Variants in SPON1 observed in about 807,000 individuals in gnomAD.
The protein encoded by SPON1 is spondin 1, also known as spondin-1.
In SPON1, 52 loss-of-function variants were observed where a neutral mutation model predicts 111.7. The ratio of observed to expected loss-of-function variants is 0.47; its 90% CI spans 0.37 to 0.59. SPON1 has a LOEUF of 0.59. SPON1 is among the 20% of genes least tolerant of loss of function. The pLI is 0.00. For synonymous variants in SPON1, 410 were observed against 395.8 expected (o/e 1.04, Z -0.43); for missense variants, 957 against 1,068.5 (o/e 0.90, Z 1.46).
At chr11:14,062,447 C>A (rs1457292298) in intron 3 of SPON1, among the ~76,000 whole-genome samples, 1 of 152,180 alleles carries the variant, frequency 6.6e-6, no homozygotes, top group Non-Finnish European at 1.5e-5. Flanking sequence ...ACTACCTTTT[C>A]TACTGACAAC....
At chr11:14,024,721 C>A (rs1554915137) in intron 2 of SPON1, among the ~76,000 whole-genome samples, 1 of 152,196 alleles carries the variant, frequency 6.6e-6, no homozygotes, top group African/African-American at 2.4e-5. Flanking sequence ...AGTGCCTGTT[C>A]TCTCTTAGGT....
In SPON1 at chr11:13,996,957, TCTTTA is replaced by T. The variant is rs1848277578; in HGVS notation, c.345+14009_345+14013del. ...AAGATAGGTGGTTCTAATTTTCTTT[TCTTTA>T]CTTTTATATAAAACACTGCAGTGAA... On this transcript the variant is annotated intron_variant, in intron 2 of 15. Transcript: ENST00000576479. Among the ~76,000 whole-genome samples, 3 of 152,242 alleles carry T rather than the reference TCTTTA, an allele frequency of 2.0e-5. No individual in the cohort carries two copies. In the East Asian group the frequency reaches 5.8e-4, roughly 29 times the overall value.
chr11:14,134,042 C>CT (rs5789824), intron 5 of SPON1, among the ~76,000 whole-genome samples: 58,037 of 141,908 alleles, frequency 0.41, 11,691 homozygotes, highest in East Asian at 0.5. Flanking sequence ...TTCTTTCTTT[C>CT]TTTTTTTTTT....
intron 6 of SPON1, among the ~76,000 whole-genome samples, chr11:14,168,455 C>A (rs559260860): frequency 6.6e-6 from 1 of 152,086 alleles, no homozygotes; most frequent in Non-Finnish European, 1.5e-5. Context: ...ACAACACATA[C>A]AAAAATGCAG....
In SPON1 at chr11:14,256,615, A is replaced by G; in HGVS notation, c.1234-2A>G. 1 of 1,610,340 alleles carries G rather than the reference A, an allele frequency of 6.2e-7. No individual in the cohort carries two copies. The highest frequency in any genetic ancestry group is 8.5e-7 in the Non-Finnish European group (1 of 1,177,844). On this transcript the variant is annotated splice_acceptor_variant, in intron 9 of 15. Transcript: ENST00000576479. LOFTEE classifies it high-confidence loss of function. Reference sequence around the variant, plus strand: ...GCCCTCCAAGTAAAATTCCTTTTTCAGGGTGAACAATGCAATATTGTACCT... The same window carrying G: ...GCCCTCCAAGTAAAATTCCTTTTTCGGGGTGAACAATGCAATATTGTACCT...
intron 3 of SPON1, among the ~76,000 whole-genome samples, chr11:14,061,441 A>C (rs1188890288): frequency 6.6e-6 from 1 of 152,244 alleles, no homozygotes; most frequent in Non-Finnish European, 1.5e-5. Context: ...TTGTAAAATT[A>C]GATTTTCAGC....
intron 5 of SPON1, among the ~76,000 whole-genome samples, chr11:14,090,846 C>A (rs1266101472): frequency 5.0e-5 from 3 of 59,478 alleles, no homozygotes; most frequent in Admixed American, 1.6e-4. Context: ...CCCCCCCCCG[C>A]CCACATCCTG....
chr11:14,122,882 G>T (rs560935594), intron 5 of SPON1, among the ~76,000 whole-genome samples: 1 of 151,622 alleles, frequency 6.6e-6, no homozygotes, highest in East Asian at 1.9e-4. Flanking sequence ...TTGACTGTGG[G>T]GCTTTTTCCT....
intron 7 of SPON1, among the ~76,000 whole-genome samples, chr11:14,246,298 G>T (rs572689281): frequency 6.6e-6 from 1 of 152,280 alleles, no homozygotes; most frequent in South Asian, 2.1e-4. Context: ...GTCCAAGTAG[G>T]CGCTGACATT....
At chr11:14,235,498 G>C (rs1554939118) in intron 6 of SPON1, among the ~76,000 whole-genome samples, 1 of 151,766 alleles carries the variant, frequency 6.6e-6, no homozygotes, top group Non-Finnish European at 1.5e-5. Context: ...GAGCAACAAA[G>C]CAAGACCCCA....
At chr11:13,992,127 A>T (rs1258186325) in intron 2 of SPON1, among the ~76,000 whole-genome samples, 12 of 152,234 alleles carry the variant, frequency 7.9e-5, no homozygotes, top group African/African-American at 2.4e-4. Flanking sequence ...GCCATCAGGC[A>T]GGGCCTTTTA....
Position 14,259,604 on chromosome 11 carries a change from G to A in SPON1, c.1734G>A (p.Met578Ile), listed in dbSNP as rs1392130577. Residue 578 changes from methionine to isoleucine, a missense_variant, in exon 13 of 16, where the codon ATG becomes ATA. By Grantham distance (10) the Met-to-Ile change is conservative. This residue lies in a region of SPON1 where 549 missense variants were observed against 606.2 expected (regional missense o/e 0.91). Coordinates refer to ENST00000576479, the MANE Select transcript of SPON1 (RefSeq NM_006108.4). The surrounding 1 kb of genome is among the most constrained non-coding windows in gnomAD (Gnocchi z 5.0). ...DECSATCGMG[M>I]KKRHRMIKMN... ...GCAGCGCCACCTGCGGCATGGGCAT[G>A]AAGAAGCGGCACCGCATGATCAAGA... The A allele has an allele frequency of 1.3e-6, 2 of 1,557,006 alleles. No individual in the cohort carries two copies. Among genetic ancestry groups the A allele is most frequent in the Non-Finnish European group, 8.7e-7 (1 of 1,150,446 alleles).
At chr11:14,014,603 C>A (rs201436626) in intron 2 of SPON1, among the ~76,000 whole-genome samples, 2 of 152,102 alleles carry the variant, frequency 1.3e-5, no homozygotes, top group South Asian at 2.1e-4. Context: ...CTGAGTGGGG[C>A]GTCACTGTGC....
At chr11:14,156,491 G>A (rs1318502491) in intron 6 of SPON1, among the ~76,000 whole-genome samples, 5 of 149,622 alleles carry the variant, frequency 3.3e-5, no homozygotes, top group African/African-American at 9.8e-5. Context: ...AGAAGCTCTT[G>A]AGTTTAATTA....
Position 13,984,451 on chromosome 11 carries a change from G to T in SPON1, c.345+1498G>T, listed in dbSNP as rs536048993. 2.9e-3 allele frequency among the ~76,000 whole-genome samples: 434 copies of T among 152,224 alleles called. 4 individuals carry two copies. The highest frequency in any genetic ancestry group is 0.01 in the African/African-American group (416 of 41,530). ...ACCTGCATCTTATGAGGGCCTTCTT[G>T]CTGCATTATCCCATGGGGAAAGGCA... On this transcript the variant is annotated intron_variant, in intron 2 of 15. Transcript: ENST00000576479.
chr11:14,160,689 A>AT (rs1847918602), intron 6 of SPON1, among the ~76,000 whole-genome samples: 1 of 12,856 alleles, frequency 7.8e-5, no homozygotes, highest in Non-Finnish European at 1.0e-4. Flanking sequence ...TTATATATAT[A>AT]TTTATATATT....
intron 6 of SPON1, among the ~76,000 whole-genome samples, chr11:14,225,504 A>G (rs1208608327): frequency 9.2e-5 from 14 of 152,148 alleles, no homozygotes; most frequent in African/African-American, 3.4e-4. Flanking sequence ...CTTCTAAGCT[A>G]TTTATTTTCT....
chr11:14,259,187 C>T lies in SPON1; in HGVS notation c.1493-93C>T, dbSNP rs1349897566. The T allele has an allele frequency of 2.1e-6, 3 of 1,413,006 alleles. No homozygotes were observed. Among genetic ancestry groups the T allele is most frequent in the African/African-American group, 1.4e-5 (1 of 70,186 alleles). 87.5% of individuals were successfully genotyped at this position (1,413,006 alleles called of 1,614,324 possible). A position where few individuals can be genotyped will look rare whatever the true frequency, so the allele number is the denominator to read the frequency against. On this transcript the variant is annotated intron_variant, in intron 11 of 15. Transcript: ENST00000576479. This position sits in a 1 kb window ranked among gnomAD's most constrained non-coding sequence, Gnocchi z 5.0. Reference sequence around the variant, plus strand: ...AGACAACCTCAACTGCCTGACTCCTCTTGATTCCCGCTGGCGGGAAGTTCC... The same window carrying T: ...AGACAACCTCAACTGCCTGACTCCTTTTGATTCCCGCTGGCGGGAAGTTCC...
rs144687454 is a variant in SPON1, at chr11:14,115,141, G to A, written c.677-20279G>A. ...TTTCCCTGATACCACCCCCATTATG[G>A]GAGAAGGAAACTTTCAGTTTTCATC... On this transcript the variant is annotated intron_variant, in intron 5 of 15. Transcript: ENST00000576479. 3.2e-4 allele frequency among the ~76,000 whole-genome samples: 49 copies of A among 152,200 alleles called. 1 individual carries two copies. The highest frequency in any genetic ancestry group is 1.1e-3 in the African/African-American group (46 of 41,522).
Sources: allele counts gnomAD v4.1 joint callset (sites outside exome capture counted in the v4.1 genomes callset), GRCh38; gene constraint gnomAD v4.1.1; regional missense constraint gnomAD v4.1.1; non-coding constraint Gnocchi (gnomAD v3.1); transcripts MANE v1.5; gene names NCBI Gene and HGNC (gene_info 2026-07-23, HGNC 2026-07-21).